The following CDH18 variants were observed in gnomAD, a reference collection of about 807,000 sequenced individuals.
CDH18 encodes cadherin 18, also known as cadherin-18.
Under a neutral mutation model 67.9 loss-of-function variants are expected in CDH18, and 31 were observed. The ratio of observed to expected loss-of-function variants is 0.46; its 90% CI spans 0.34 to 0.62. The LOEUF is 0.62. CDH18 is among the 20% of genes least tolerant of loss of function. The pLI, the probability that CDH18 is intolerant of heterozygous loss-of-function variation, is 0.01. For synonymous variants in CDH18, 362 were observed against 347.2 expected (o/e 1.04, Z -0.48); for missense variants, 890 against 975.5 (o/e 0.91, Z 1.17).
Position 20,280,496 on chromosome 5 carries a change from T to C in CDH18, c.-579-24991A>G, listed in dbSNP as rs201053005. On this transcript the variant is annotated intron_variant, in intron 1 of 14. Coordinates refer to the CDH18 transcript ENST00000507958. ...CCTTGCGATAGTTTGCTGAGAATGATGGTTTCCAGCTTCATCCATGTCCCT... is the reference window on the plus strand; with the variant it reads ...CCTTGCGATAGTTTGCTGAGAATGACGGTTTCCAGCTTCATCCATGTCCCT... Among the ~76,000 whole-genome samples the C allele has an allele frequency of 1.6e-4, 25 of 152,304 alleles. No individual in the cohort carries two copies. The East Asian group carries it at 3.3e-3, about 20-fold the overall frequency.
chr5:20,433,367 T>C (rs900276290), intron 1 of CDH18, among the ~76,000 whole-genome samples: 1 of 152,012 alleles, frequency 6.6e-6, no homozygotes, highest in Non-Finnish European at 1.5e-5. Flanking sequence ...ATTTTAAAAA[T>C]CAAACCAAGC....
intron 2 of CDH18, among the ~76,000 whole-genome samples, chr5:20,085,153 T>A (rs1021271455): frequency 1.3e-5 from 2 of 152,228 alleles, no homozygotes; most frequent in Non-Finnish European, 2.9e-5. Flanking sequence ...ACTTTTGGGT[T>A]ACTTGCTTTG....
chr5:20,078,404 A>C (rs1744138950), intron 2 of CDH18, among the ~76,000 whole-genome samples: 1 of 152,022 alleles, frequency 6.6e-6, no homozygotes, highest in Admixed American at 6.5e-5. Context: ...TAAAGGTTGC[A>C]GTAAGCCGAG....
chr5:19,919,388 C>T (rs936175611), intron 2 of CDH18, among the ~76,000 whole-genome samples: 1 of 152,158 alleles, frequency 6.6e-6, no homozygotes, highest in African/African-American at 2.4e-5. Context: ...TCCCAATTTG[C>T]AGCCAAGTTG....
intron 5 of CDH18, among the ~76,000 whole-genome samples, chr5:19,620,127 G>T (rs1168565849): frequency 6.6e-6 from 1 of 152,148 alleles, no homozygotes; most frequent in Non-Finnish European, 1.5e-5. Flanking sequence ...ACATTTTTAT[G>T]CTTTAGTAGG....
Position 19,837,455 on chromosome 5 carries a change from T to C in CDH18, c.228+1304A>G, listed in dbSNP as rs528230919. ...TTGAAGTTCATAACCCAGGTAAATTTCTACTAATCTAATATATTATGCTTT... is the reference window on the plus strand; with the variant it reads ...TTGAAGTTCATAACCCAGGTAAATTCCTACTAATCTAATATATTATGCTTT... On this transcript the variant is annotated intron_variant, in intron 3 of 12. Coordinates refer to ENST00000382275, the MANE Select transcript of CDH18 (RefSeq NM_004934.5). 9.1e-4 allele frequency among the ~76,000 whole-genome samples: 138 copies of C among 152,260 alleles called. 2 individuals carry two copies. The highest frequency in any genetic ancestry group is 7.2e-4 in the Admixed American group (11 of 15,276).
intron 2 of CDH18, among the ~76,000 whole-genome samples, chr5:20,160,904 T>G (rs1389799844): frequency 6.6e-6 from 1 of 152,222 alleles, no homozygotes; most frequent in African/African-American, 2.4e-5. Context: ...TATTTTTAAA[T>G]GGTTATAAAA....
chr5:19,544,310 G>A (rs1384418151), intron 8 of CDH18, among the ~76,000 whole-genome samples: 1 of 151,622 alleles, frequency 6.6e-6, no homozygotes, highest in Non-Finnish European at 1.5e-5. Flanking sequence ...CTCACCTCTT[G>A]GAAGCCTATA....
chr5:19,727,325 A>C (rs1279482341), intron 4 of CDH18, among the ~76,000 whole-genome samples: 1 of 152,190 alleles, frequency 6.6e-6, no homozygotes, highest in Non-Finnish European at 1.5e-5. Context: ...ATCTACATTG[A>C]CTGGCATCCT....
chr5:20,192,783 A>T (rs749779370), intron 2 of CDH18, among the ~76,000 whole-genome samples: 2 of 152,078 alleles, frequency 1.3e-5, no homozygotes, highest in South Asian at 4.1e-4. Flanking sequence ...GTCAGGTAGC[A>T]TGATGCCTCC....
intron 1 of CDH18, among the ~76,000 whole-genome samples, chr5:20,334,741 C>A (rs1228775198): frequency 7.3e-6 from 1 of 136,602 alleles, no homozygotes; most frequent in East Asian, 2.6e-4. Flanking sequence ...CTCTCTCTCT[C>A]TCTCTCTCTC....
At chr5:20,418,807 T>C (rs944695227) in intron 1 of CDH18, among the ~76,000 whole-genome samples, 4 of 152,102 alleles carry the variant, frequency 2.6e-5, no homozygotes, top group African/African-American at 9.7e-5. Context: ...AAATCATACG[T>C]TGAAATCCTC....
chr5:20,090,574 GA>G (rs1187392528), intron 2 of CDH18, among the ~76,000 whole-genome samples: 1 of 151,764 alleles, frequency 6.6e-6, no homozygotes, highest in Non-Finnish European at 1.5e-5. Flanking sequence ...AAACAAAAAA[GA>G]AAACAGTAAA....
chr5:19,785,453 G>T (rs1417580990), intron 3 of CDH18, among the ~76,000 whole-genome samples: 1 of 150,518 alleles, frequency 6.6e-6, no homozygotes, highest in Non-Finnish European at 1.5e-5. Flanking sequence ...GGGAGTTCGA[G>T]ATCAGCCTAA....
intron 1 of CDH18, among the ~76,000 whole-genome samples, chr5:20,441,058 C>G (rs941068780): frequency 6.6e-6 from 1 of 151,718 alleles, no homozygotes; most frequent in Non-Finnish European, 1.5e-5. Flanking sequence ...TTCACCATGC[C>G]GAGCTTATGA....
chr5:20,356,325 G>C (rs569968072), intron 1 of CDH18, among the ~76,000 whole-genome samples: 20 of 152,198 alleles, frequency 1.3e-4, no homozygotes, highest in Admixed American at 3.9e-4. Context: ...GGAGGTCGCA[G>C]TGAGCTGAGA....
rs565612052 is a variant in CDH18 at position 20,256,753 on chromosome 5, T to C, written c.-579-1248A>G. On this transcript the variant is annotated intron_variant, in intron 1 of 14. Coordinates refer to the CDH18 transcript ENST00000507958. ...ATGACTGGTATCTAAGAGAAAAAAA[T>C]CTGGAGTTGAAGAGAGTCTGAAGTG... 6.6e-5 allele frequency among the ~76,000 whole-genome samples: 10 copies of C among 151,976 alleles called. No homozygotes were observed. The South Asian group carries it at 1.9e-3, about 28-fold the overall frequency.
chr5:20,373,401 C>T (rs1252829481), intron 1 of CDH18, among the ~76,000 whole-genome samples: 1 of 152,144 alleles, frequency 6.6e-6, no homozygotes, highest in Admixed American at 6.5e-5. Flanking sequence ...GACCCCAGCT[C>T]TCACACCCAT....
chr5:19,539,477 ATAT>A lies in CDH18; in HGVS notation c.1390+4389_1390+4391del, dbSNP rs1375534224. Among the ~76,000 whole-genome samples the A allele has an allele frequency of 7.2e-5, 11 of 152,270 alleles. No homozygotes were observed. The East Asian group carries it at 2.1e-3, about 29-fold the overall frequency. The stretch of plus-strand genomic sequence containing the variant: ...ATAAACTACATTCTACTTAATTCAA[ATAT>A]TATTTGGAGTGAGGTAGTGAAAAAA... On this transcript the variant is annotated intron_variant, in intron 9 of 12. Coordinates refer to ENST00000382275, the MANE Select transcript of CDH18 (RefSeq NM_004934.5).
Sources: allele counts gnomAD v4.1 joint callset (sites outside exome capture counted in the v4.1 genomes callset), GRCh38; gene constraint gnomAD v4.1.1; transcripts MANE v1.5; gene names NCBI Gene and HGNC (gene_info 2026-07-23, HGNC 2026-07-21).